BAZ2B: variants seen among roughly 807,000 people sequenced by gnomAD.
BAZ2B encodes the protein bromodomain adjacent to zinc finger domain 2B, also known as bromodomain adjacent to zinc finger domain protein 2B.
In BAZ2B, 91 loss-of-function variants were observed where a neutral mutation model predicts 246.0. That is an observed-to-expected ratio of 0.37 (90% CI 0.31 to 0.44). The LOEUF (loss-of-function observed/expected upper bound fraction) is 0.44. Among genes scored for constraint, BAZ2B ranks in the 20% least tolerant of loss-of-function variants. The pLI is 1.00. For synonymous variants in BAZ2B, 855 were observed against 860.0 expected (o/e 0.99, Z 0.10); for missense variants, 2,332 against 2,533.7 (o/e 0.92, Z 1.71).
At chr2:159,649,528 A>G in the BAZ2B span, among the ~76,000 whole-genome samples, 4 of 152,166 alleles carry the variant, frequency 2.6e-5, no homozygotes, top group Non-Finnish European at 5.9e-5. Context: ...TGTGTGGCCC[A>G]GTTCCTAACA....
chr2:159,517,303 G>GT (rs1007083640), intron 2 of BAZ2B, among the ~76,000 whole-genome samples: 19 of 149,358 alleles, frequency 1.3e-4, no homozygotes, highest in Non-Finnish European at 1.8e-4. Flanking sequence ...TTTGTCCATA[G>GT]TTTTTTTTTT....
chr2:159,686,967 G>C, the BAZ2B span, among the ~76,000 whole-genome samples: 1 of 151,192 alleles, frequency 6.6e-6, no homozygotes, highest in Non-Finnish European at 1.5e-5. Flanking sequence ...GCGTCAACCC[G>C]GGTGGCGGAG....
chr2:159,523,469 G>A (rs2084367380), intron 2 of BAZ2B, among the ~76,000 whole-genome samples: 1 of 152,058 alleles, frequency 6.6e-6, no homozygotes, highest in Admixed American at 6.5e-5. Flanking sequence ...ACTTTGGGAG[G>A]TCGAGGCGGG....
At chr2:159,540,219 G>A (rs147996487) in intron 2 of BAZ2B, among the ~76,000 whole-genome samples, 5 of 152,294 alleles carry the variant, frequency 3.3e-5, no homozygotes, top group African/African-American at 1.2e-4. Context: ...GTGAATGAGT[G>A]ACAGTATGTG....
At chr2:159,414,838 T>C (rs977548851) in intron 13 of BAZ2B, among the ~76,000 whole-genome samples, 23 of 151,308 alleles carry the variant, frequency 1.5e-4, no homozygotes, top group Admixed American at 1.4e-3. Flanking sequence ...AATATTCTCA[T>C]GTACCCCATA....
In BAZ2B at chr2:159,432,857, A is replaced by G. The variant is rs547503023; in HGVS notation, c.1800T>C (p.Ser600=). The G allele has an allele frequency of 1.9e-6, 3 of 1,614,082 alleles. No individual in the cohort carries two copies. The highest frequency in any genetic ancestry group is 2.5e-6 in the Non-Finnish European group (3 of 1,180,004). Residue 600 remains serine (S), a synonymous_variant, in exon 9 of 37, where the codon AGT becomes AGC. Coordinates refer to ENST00000392783, the MANE Select transcript of BAZ2B (RefSeq NM_013450.4). ...QFRGTDSDIP[S]SKDSEDSNED... is the part of the protein sequence containing the mutation. The stretch of plus-strand genomic sequence containing the variant: ...CATTTGAATCTTCAGAATCTTTACT[A>G]CTGGGAATGTCTGAATCTGTTCCTC...
At chr2:159,438,274 AATTCTTGT>A in intron 8 of BAZ2B, 21 bp downstream of exon 8, 1 of 1,577,902 alleles carries the variant, frequency 6.3e-7, no homozygotes, top group South Asian at 1.2e-5. Context: ...CTAATAGTAA[AATTCTTGT>A]ATAAATAATT....
the BAZ2B span, among the ~76,000 whole-genome samples, chr2:159,678,546 T>A: frequency 1.3e-5 from 2 of 152,202 alleles, no homozygotes. Context: ...ATGCCTATAG[T>A]CCCAGCTACT....
intron 1 of BAZ2B, among the ~76,000 whole-genome samples, chr2:159,601,426 A>G (rs1414024768): frequency 2.6e-5 from 1 of 39,178 alleles, no homozygotes; most frequent in Non-Finnish European, 7.4e-5. Context: ...CCTGTCTCAA[A>G]AGAAAAAAAA....
intron 13 of BAZ2B, among the ~76,000 whole-genome samples, chr2:159,423,487 C>T (rs1299208569): frequency 6.6e-6 from 1 of 152,146 alleles, no homozygotes; most frequent in East Asian, 1.9e-4. Context: ...AAAAACAGAA[C>T]TACCATTAGA....
chr2:159,453,941 T>C (rs1436100705), intron 3 of BAZ2B, 140 bp from the exon 4 acceptor site: 3 of 646,778 alleles, frequency 4.6e-6, no homozygotes, highest in East Asian at 7.0e-5. Context: ...CATTTTCTAC[T>C]CTTCAAACCC....
the BAZ2B span, among the ~76,000 whole-genome samples, chr2:159,687,357 A>T: frequency 1.3e-5 from 2 of 152,196 alleles, no homozygotes; most frequent in African/African-American, 2.4e-5. Context: ...CAACCATGTG[A>T]TCAGATGGTT....
intron 1 of BAZ2B, among the ~76,000 whole-genome samples, chr2:159,604,708 A>G (rs890095): frequency 0.38 from 57,529 of 152,092 alleles, 13,103 homozygotes; most frequent in Middle Eastern, 0.6. Context: ...TAGAGAATAC[A>G]ATATCACATG....
chr2:159,403,022 T>C (rs1467651764), intron 16 of BAZ2B, among the ~76,000 whole-genome samples: 1 of 152,178 alleles, frequency 6.6e-6, no homozygotes, highest in Non-Finnish European at 1.5e-5. Context: ...CCTCGTCAGA[T>C]CCCAATGCCT....
chr2:159,333,863 A>G lies in BAZ2B; in HGVS notation c.5797-1177T>C, dbSNP rs547881482. Among the ~76,000 whole-genome samples the G allele has an allele frequency of 2.6e-5, 4 of 152,256 alleles. No individual in the cohort carries two copies. The East Asian group carries it at 7.7e-4, about 29-fold the overall frequency. ...TAACAAATGTTTATCAAATGTATAT[A>G]CTATATATTTCATATTAACATTGGC... On this transcript the variant is annotated intron_variant, in intron 33 of 36. Transcript: ENST00000392783.
At chr2:159,647,384 G>A in the BAZ2B span, among the ~76,000 whole-genome samples, 27 of 152,232 alleles carry the variant, frequency 1.8e-4, no homozygotes, top group Non-Finnish European at 2.4e-4. Flanking sequence ...GGCAGGAGTC[G>A]TTTCCTCTTA....
At chr2:159,639,939 G>T in the BAZ2B span, among the ~76,000 whole-genome samples, 1 of 151,880 alleles carries the variant, frequency 6.6e-6, no homozygotes, top group South Asian at 2.1e-4. Context: ...AAGATCCAGT[G>T]ATTTGTTGCC....
the BAZ2B span, among the ~76,000 whole-genome samples, chr2:159,626,781 T>G: frequency 6.6e-6 from 1 of 151,840 alleles, no homozygotes; most frequent in Admixed American, 6.6e-5. Context: ...ATCAAACAAA[T>G]TCAAAAGCTA....
intron 18 of BAZ2B, 128 bp downstream of exon 18, chr2:159,398,701 T>C (rs1429566232): frequency 2.6e-6 from 2 of 756,180 alleles, no homozygotes; most frequent in Admixed American, 2.9e-5. Context: ...TATACACATG[T>C]AGTATCTGCT....
Sources: allele counts gnomAD v4.1 joint callset (sites outside exome capture counted in the v4.1 genomes callset), GRCh38; gene constraint gnomAD v4.1.1; transcripts MANE v1.5; gene names NCBI Gene and HGNC (gene_info 2026-07-23, HGNC 2026-07-21).